Variants in SPINK8 observed in about 807,000 individuals in gnomAD.
SPINK8 encodes serine peptidase inhibitor Kazal type 8 (putative).
SPINK8 carries 12 observed loss-of-function variants against 14.4 expected under a neutral mutation model. The observed-to-expected ratio is 0.83, with a 90% confidence interval of 0.53 to 1.35. The LOEUF (loss-of-function observed/expected upper bound fraction) is 1.35. Among genes scored for constraint, SPINK8 ranks in the 40% most tolerant of loss-of-function variants. The probability of loss-of-function intolerance (pLI) is 0.00; values close to 1 mark genes in which losing one functional copy is unlikely to be tolerated. For missense variants in SPINK8, 103 were observed against 117.0 expected (o/e 0.88, Z 0.55); for synonymous variants, 32 against 37.6 (o/e 0.85, Z 0.55).
chr3:48,323,108 C>T (rs1414899223), intron 4 of SPINK8, among the ~76,000 whole-genome samples: 1 of 152,058 alleles, frequency 6.6e-6, no homozygotes, highest in Non-Finnish European at 1.5e-5. Context: ...TATAGCCATC[C>T]TAGTAGGTGT....
intron 4 of SPINK8, among the ~76,000 whole-genome samples, chr3:48,323,227 C>A (rs1295191868): frequency 2.0e-5 from 3 of 152,134 alleles, no homozygotes; most frequent in Non-Finnish European, 2.9e-5. Flanking sequence ...TTACTACAAC[C>A]TCCACCTCCC....
intron 7 of SPINK8, among the ~76,000 whole-genome samples, chr3:48,309,609 A>G (rs1418889875): frequency 2.6e-5 from 4 of 152,368 alleles, no homozygotes; most frequent in Middle Eastern, 3.4e-3. Context: ...GAAATGTCCA[A>G]ACTTATTAGA....
At chr3:48,313,190 A>C (rs1270034506) in intron 6 of SPINK8, among the ~76,000 whole-genome samples, 1 of 152,212 alleles carries the variant, frequency 6.6e-6, no homozygotes, top group Non-Finnish European at 1.5e-5. Flanking sequence ...TTATCATGAA[A>C]GTAAAAGGCA....
At position 48,321,039 on chromosome 3, in the gene SPINK8, G is replaced by A. The variant is rs2036066942; in HGVS notation, c.103C>T (p.Leu35=). ...PLPMASERGQ[L]DKTIVECLKN... ...GCAGTACTCACTATTGTTTTGTCTA[G>A]CTGACCTCTTTCAGAGGCCATAGGA... The change falls in exon 5 of 8, where the codon CTA becomes TTA. Residue 35 remains leucine, a synonymous_variant. Coordinates refer to ENST00000434006, the MANE Select transcript of SPINK8 (RefSeq NM_001080525.3). 2 of 1,590,610 alleles carry A rather than the reference G, an allele frequency of 1.3e-6. No homozygotes were observed. The highest frequency in any genetic ancestry group is 1.7e-6 in the Non-Finnish European group (2 of 1,167,378).
intron 2 of SPINK8, among the ~76,000 whole-genome samples, chr3:48,331,278 G>A (rs1459113586): frequency 6.6e-6 from 1 of 152,152 alleles, no homozygotes; most frequent in Non-Finnish European, 1.5e-5. Context: ...CTTGGTAAGG[G>A]GAGCTACTGG....
intron 1 of SPINK8, among the ~76,000 whole-genome samples, 36 bp downstream of exon 1, chr3:48,333,499 C>T (rs2036292309): frequency 6.6e-6 from 1 of 152,150 alleles, no homozygotes; most frequent in African/African-American, 2.4e-5. Context: ...GCGTAACCAC[C>T]CACGGACCTC....
chr3:48,321,467 A>C (rs2036073090), intron 4 of SPINK8, among the ~76,000 whole-genome samples: 1 of 151,264 alleles, frequency 6.6e-6, no homozygotes, highest in South Asian at 2.1e-4. Flanking sequence ...ATGTATATAA[A>C]ATTTTATATA....
chr3:48,316,697 C>A (rs2035998475), intron 6 of SPINK8, among the ~76,000 whole-genome samples: 1 of 152,070 alleles, frequency 6.6e-6, no homozygotes, highest in African/African-American at 2.4e-5. Context: ...CACTTGAGCC[C>A]AGGAGGTCGA....
rs150979059 is a variant in SPINK8 at position 48,333,301 on chromosome 3, C to T, written c.-242+234G>A. On this transcript the variant is annotated intron_variant, in intron 1 of 7. Coordinates refer to ENST00000434006, the MANE Select transcript of SPINK8 (RefSeq NM_001080525.3). The stretch of plus-strand genomic sequence containing the variant: ...AGGGGTACTGCAGAAGAATATAAGT[C>T]GTTTCTTTCTTAGCATCTGAGGGTC... Among the ~76,000 whole-genome samples the T allele has an allele frequency of 8.8e-3, 1,332 of 152,166 alleles. 12 individuals are homozygous for T. Among genetic ancestry groups the T allele is most frequent in the Non-Finnish European group, 0.012 (785 of 68,008 alleles).
At chr3:48,327,455 T>C (rs533075986) in intron 4 of SPINK8, among the ~76,000 whole-genome samples, 1 of 151,798 alleles carries the variant, frequency 6.6e-6, no homozygotes, top group East Asian at 1.9e-4. Context: ...AAAGATGGAG[T>C]GGTCCACTTT....
At chr3:48,318,810 C>T (rs1413577535) in intron 6 of SPINK8, among the ~76,000 whole-genome samples, 2 of 152,194 alleles carry the variant, frequency 1.3e-5, no homozygotes, top group African/African-American at 4.8e-5. Context: ...TTGCTTTTCT[C>T]TCTTAAGATA....
intron 3 of SPINK8, 123 bp from the exon 4 acceptor site, chr3:48,328,477 G>A: frequency 1.8e-6 from 1 of 544,192 alleles, no homozygotes; most frequent in Non-Finnish European, 3.1e-6. Context: ...AGGTCATTTG[G>A]AATGAATTGT....
intron 4 of SPINK8, among the ~76,000 whole-genome samples, chr3:48,322,934 T>C (rs2036094363): frequency 6.6e-6 from 1 of 152,208 alleles, no homozygotes; most frequent in Admixed American, 6.5e-5. Flanking sequence ...TTTATTTCCC[T>C]TAAGTATATA....
chr3:48,318,463 G>A (rs2036024576), intron 6 of SPINK8, among the ~76,000 whole-genome samples: 1 of 152,200 alleles, frequency 6.6e-6, no homozygotes, highest in Admixed American at 6.5e-5. Flanking sequence ...AAGATACACT[G>A]AAAGGGAGCT....
intron 6 of SPINK8, among the ~76,000 whole-genome samples, chr3:48,316,957 G>T (rs1348150807): frequency 6.6e-6 from 1 of 152,166 alleles, no homozygotes; most frequent in South Asian, 2.1e-4. Context: ...AGGCTAAAAT[G>T]AAAGGATCAT....
At chr3:48,321,368 C>T (rs2036072269) in intron 4 of SPINK8, among the ~76,000 whole-genome samples, 2 of 152,006 alleles carry the variant, frequency 1.3e-5, no homozygotes, top group Non-Finnish European at 2.9e-5. Flanking sequence ...TACAAATTAC[C>T]ATGAATTCAT....
chr3:48,312,910 A>G (rs1437256384), intron 6 of SPINK8, among the ~76,000 whole-genome samples: 1 of 151,136 alleles, frequency 6.6e-6, no homozygotes, highest in Admixed American at 6.6e-5. Context: ...AGGCAGGAGA[A>G]TTGCTTGAAC....
chr3:48,317,509 CATTTATTT>C (rs911724772), intron 6 of SPINK8, among the ~76,000 whole-genome samples: 1 of 151,802 alleles, frequency 6.6e-6, no homozygotes, highest in African/African-American at 2.4e-5. Context: ...AAAAAAGGAG[CATTTATTT>C]ATTTATTTAT....
At chr3:48,329,673 T>C (rs1355370423) in intron 2 of SPINK8, among the ~76,000 whole-genome samples, 1 of 152,208 alleles carries the variant, frequency 6.6e-6, no homozygotes, top group African/African-American at 2.4e-5. Flanking sequence ...TTTATTTTTA[T>C]TTCTTTAGAG....
Sources: allele counts gnomAD v4.1 joint callset (sites outside exome capture counted in the v4.1 genomes callset), GRCh38; gene constraint gnomAD v4.1.1; transcripts MANE v1.5; gene names NCBI Gene and HGNC (gene_info 2026-07-23, HGNC 2026-07-21).